COL8A1: variants seen among roughly 807,000 people sequenced by gnomAD.
COL8A1 encodes collagen alpha-1(VIII) chain.
COL8A1 carries 21 observed loss-of-function variants against 42.7 expected under a neutral mutation model. The observed-to-expected ratio is 0.49, with a 90% CI of 0.35 to 0.71. The LOEUF (loss-of-function observed/expected upper bound fraction) is 0.71. Ranked by LOEUF, COL8A1 falls within the 30% of genes least tolerant of loss-of-function variation. COL8A1 has a pLI of 0.01. For synonymous variants in COL8A1, 367 were observed against 369.1 expected, an observed-to-expected ratio of 0.99 and a Z score of 0.06; for missense variants, 788 against 962.4, an observed-to-expected ratio of 0.82 and a Z score of 2.40.
chr3:99,781,377 GATATGATTTA>G (rs1184234672), intron 2 of COL8A1, among the ~76,000 whole-genome samples: 1 of 152,058 alleles, frequency 6.6e-6, no homozygotes, highest in Admixed American at 6.6e-5. Flanking sequence ...AAGTGCTATT[GATATGATTTA>G]ATATTCTCCC....
At chr3:99,775,258 C>A (rs1003939171) in intron 2 of COL8A1, among the ~76,000 whole-genome samples, 2 of 152,194 alleles carry the variant, frequency 1.3e-5, no homozygotes, top group Non-Finnish European at 2.9e-5. Context: ...AAGCACCAGG[C>A]TGTCTGGTGC....
chr3:99,734,710 G>A lies in COL8A1; in HGVS notation c.-128-10187G>A, dbSNP rs529568527. Among the ~76,000 whole-genome samples the A allele has an allele frequency of 2.0e-5, 3 of 151,984 alleles. No homozygotes were observed. The South Asian group carries it at 6.3e-4, about 32-fold the overall frequency. ...AGAAAGGCATTGGTAGCTTGATGGG[G>A]ATGGCATTGAATCTGTAAATTACCT... On this transcript the variant is annotated intron_variant, in intron 1 of 3. Coordinates refer to ENST00000652472, the MANE Select transcript of COL8A1 (RefSeq NM_020351.4).
intron 1 of COL8A1, among the ~76,000 whole-genome samples, chr3:99,736,187 C>G (rs1409817588): frequency 4.6e-5 from 7 of 152,138 alleles, no homozygotes; most frequent in African/African-American, 1.2e-4. Flanking sequence ...TTCTTGCCTT[C>G]TGCTAGCTTT....
intron 1 of COL8A1, among the ~76,000 whole-genome samples, chr3:99,715,539 C>T (rs1309827928): frequency 6.6e-6 from 1 of 151,928 alleles, no homozygotes; most frequent in Admixed American, 6.6e-5. Flanking sequence ...AACTGTTCTC[C>T]ATTTTATCCA....
chr3:99,679,308 T>C (rs1938796001), intron 1 of COL8A1: 1 of 152,242 alleles, frequency 6.6e-6, no homozygotes, highest in Non-Finnish European at 1.5e-5. Context: ...GAAGTGACGT[T>C]TGTATAATAG....
At chr3:99,780,033 C>T (rs75662555) in intron 2 of COL8A1, among the ~76,000 whole-genome samples, 2,259 of 152,284 alleles carry the variant, frequency 0.015, 121 homozygotes, top group East Asian at 0.11. Context: ...TGTCACGGAA[C>T]GTGTGCTCAA....
At chr3:99,684,265 A>G (rs976826488) in intron 1 of COL8A1, among the ~76,000 whole-genome samples, 2 of 152,118 alleles carry the variant, frequency 1.3e-5, no homozygotes, top group African/African-American at 2.4e-5. Context: ...GACATTTTAT[A>G]TATATTCTCT....
chr3:99,766,773 A>T (rs1392518840), intron 2 of COL8A1, among the ~76,000 whole-genome samples: 1 of 152,158 alleles, frequency 6.6e-6, no homozygotes, highest in African/African-American at 2.4e-5. Context: ...AACATGGAGA[A>T]ACCCCATCTC....
chr3:99,762,164 C>T (rs988942186), intron 2 of COL8A1, among the ~76,000 whole-genome samples: 4 of 152,106 alleles, frequency 2.6e-5, no homozygotes, highest in African/African-American at 9.7e-5. Flanking sequence ...AGATAGTCAT[C>T]GCTGGTATTT....
chr3:99,727,815 T>C (rs1940381748), intron 1 of COL8A1, among the ~76,000 whole-genome samples: 1 of 152,118 alleles, frequency 6.6e-6, no homozygotes, highest in African/African-American at 2.4e-5. Context: ...GCTTCATCCC[T>C]GGGATGCAAG....
chr3:99,688,836 T>C (rs1239093946), intron 1 of COL8A1, among the ~76,000 whole-genome samples: 1 of 152,148 alleles, frequency 6.6e-6, no homozygotes, highest in Non-Finnish European at 1.5e-5. Flanking sequence ...CCCTCAGCAC[T>C]ATTGAAATTT....
chr3:99,729,603 T>C (rs1036740948), intron 1 of COL8A1, among the ~76,000 whole-genome samples: 14 of 152,078 alleles, frequency 9.2e-5, no homozygotes, highest in Non-Finnish European at 1.9e-4. Flanking sequence ...TAATTTATCA[T>C]GATTAGCTGT....
Position 99,649,970 on chromosome 3 carries a change from C to A in COL8A1, c.-129+11306C>A, listed in dbSNP as rs541118118. 6.6e-5 allele frequency among the ~76,000 whole-genome samples: 10 copies of A among 152,216 alleles called. No homozygotes were observed. In the South Asian group the frequency reaches 1.9e-3, roughly 28 times the overall value. On this transcript the variant is annotated intron_variant, in intron 1 of 3. Transcript: ENST00000652472. ...GACCATTGTCCCAGGATTGTTAGTACCCTGCTCAAAAGGATTTAATGGCAT... is the reference window on the plus strand; with the variant it reads ...GACCATTGTCCCAGGATTGTTAGTAACCTGCTCAAAAGGATTTAATGGCAT...
At chr3:99,700,470 C>T (rs541786079) in intron 1 of COL8A1, among the ~76,000 whole-genome samples, 7 of 152,052 alleles carry the variant, frequency 4.6e-5, no homozygotes, top group African/African-American at 1.7e-4. Flanking sequence ...CCACTTGGTA[C>T]GTGAAGTCAC....
At chr3:99,791,820 T>C (rs1305682409) in intron 3 of COL8A1, among the ~76,000 whole-genome samples, 1 of 152,222 alleles carries the variant, frequency 6.6e-6, no homozygotes, top group African/African-American at 2.4e-5. Context: ...CCTAGATGCC[T>C]GGATGCCAGA....
intron 2 of COL8A1, among the ~76,000 whole-genome samples, chr3:99,756,116 G>T (rs1941249019): frequency 6.6e-6 from 1 of 151,652 alleles, no homozygotes; most frequent in African/African-American, 2.4e-5. Context: ...GTGAGAAGAA[G>T]AGATATCGAG....
chr3:99,723,379 A>G (rs1232398972), intron 1 of COL8A1, among the ~76,000 whole-genome samples: 1 of 152,098 alleles, frequency 6.6e-6, no homozygotes, highest in Non-Finnish European at 1.5e-5. Context: ...CTGCAAGTCC[A>G]GATTAGTTCC....
intron 2 of COL8A1, among the ~76,000 whole-genome samples, chr3:99,756,846 T>A (rs1005288932): frequency 1.3e-5 from 2 of 152,218 alleles, no homozygotes; most frequent in Non-Finnish European, 2.9e-5. Context: ...GCCAAAACTA[T>A]GTAAACAGTA....
chr3:99,779,872 C>A lies in COL8A1; in HGVS notation c.-3-10808C>A, dbSNP rs141369257. Among the ~76,000 whole-genome samples the A allele has an allele frequency of 2.5e-3, 381 of 152,256 alleles. 4 individuals are homozygous for A. The highest frequency in any genetic ancestry group is 8.8e-3 in the African/African-American group (364 of 41,554). On this transcript the variant is annotated intron_variant, in intron 2 of 3. Transcript: ENST00000652472. ...GGTATAAATAGAATCTTACAAGCAT[C>A]CTGAAAATGAGTAAAAGTTATCATC...
Sources: gnomAD v4.1 joint callset for allele counts (sites outside exome capture counted in the v4.1 genomes callset) on GRCh38, gnomAD v4.1.1 for gene constraint, MANE v1.5 for transcripts, NCBI Gene and HGNC (gene_info 2026-07-23, HGNC 2026-07-21) for gene names.